Variants in SEMA3A observed in about 807,000 individuals in gnomAD.
SEMA3A encodes semaphorin-3A.
Under a neutral mutation model 97.9 loss-of-function variants are expected in SEMA3A, and 29 were observed. The ratio of observed to expected loss-of-function variants is 0.30; its 90% CI spans 0.22 to 0.40. SEMA3A has a LOEUF of 0.40. Ranked by LOEUF, SEMA3A falls within the 10% of genes least tolerant of loss-of-function variation. The pLI is 1.00. For missense variants in SEMA3A, 763 were observed against 951.3 expected (o/e 0.80, Z 2.60); for synonymous variants, 321 against 323.7 (o/e 0.99, Z 0.09).
chr7:83,957,150 C>G lies in SEMA3A; in HGVS notation c.*4221G>C, dbSNP rs55681101. ...TAAATCACACATTGGGGTAGTGTGA[C>G]AATAAAAGGTATATACAAGGCACAG... On this transcript the variant is annotated 3_prime_UTR_variant, in exon 17 of 17. Coordinates refer to ENST00000265362, the MANE Select transcript of SEMA3A (RefSeq NM_006080.3). The G allele has an allele frequency of 0.11, 16,129 of 151,966 alleles. 1,251 individuals are homozygous for G. The highest frequency in any genetic ancestry group is 0.21 in the African/African-American group (8,856 of 41,426). The allele number at this position is 151,966 out of a possible 1,614,324, so 9.4% of individuals were successfully genotyped here.
chr7:84,312,919 T>TAC (rs1169125442), intron 2 of SEMA3A, among the ~76,000 whole-genome samples: 58 of 31,046 alleles, frequency 1.9e-3, no homozygotes, highest in Non-Finnish European at 2.3e-3. Context: ...TATATATATA[T>TAC]ATACACACAC....
intron 2 of SEMA3A, among the ~76,000 whole-genome samples, chr7:84,332,814 C>T (rs1801940074): frequency 6.6e-6 from 1 of 151,856 alleles, no homozygotes; most frequent in Non-Finnish European, 1.5e-5. Flanking sequence ...CATTGAGTAC[C>T]TTTATTAAGT....
intron 5 of SEMA3A, among the ~76,000 whole-genome samples, chr7:84,055,734 T>G (rs114332405): frequency 1.8e-3 from 274 of 151,600 alleles, no homozygotes; most frequent in African/African-American, 6.4e-3. Flanking sequence ...CCTCCCCAAA[T>G]TATATGTTGA....
At chr7:84,227,675 G>A (rs1052753664) in intron 3 of SEMA3A, among the ~76,000 whole-genome samples, 2 of 152,080 alleles carry the variant, frequency 1.3e-5, no homozygotes, top group Non-Finnish European at 2.9e-5. Flanking sequence ...GGGGTGTGGT[G>A]AGATTGGAGG....
At chr7:84,437,829 T>C (rs944154205) in intron 1 of SEMA3A, among the ~76,000 whole-genome samples, 4 of 152,068 alleles carry the variant, frequency 2.6e-5, no homozygotes, top group African/African-American at 9.6e-5. Flanking sequence ...AGTATATAGA[T>C]GCTGTTTTTC....
intron 4 of SEMA3A, among the ~76,000 whole-genome samples, chr7:84,061,982 T>G (rs1048703109): frequency 6.6e-6 from 1 of 152,184 alleles, no homozygotes; most frequent in African/African-American, 2.4e-5. Context: ...TAGCTCTGGT[T>G]CTCTGGTCAC....
chr7:84,468,260 G>T (rs78447225), intron 1 of SEMA3A, among the ~76,000 whole-genome samples: 2,312 of 152,276 alleles, frequency 0.015, 60 homozygotes, highest in African/African-American at 0.052. Flanking sequence ...GCAAAATCAT[G>T]TGGCACAATG....
chr7:84,166,111 A>T (rs1797197484), intron 1 of SEMA3A, among the ~76,000 whole-genome samples: 1 of 151,906 alleles, frequency 6.6e-6, no homozygotes, highest in Non-Finnish European at 1.5e-5. Flanking sequence ...TCTCTCTTGA[A>T]AAAGTAAAAT....
chr7:84,016,935 T>C (rs1317227000), intron 6 of SEMA3A, among the ~76,000 whole-genome samples: 1 of 152,216 alleles, frequency 6.6e-6, no homozygotes, highest in Non-Finnish European at 1.5e-5. Flanking sequence ...AGGGAGAAGT[T>C]GGTCTACTAT....
intron 2 of SEMA3A, among the ~76,000 whole-genome samples, chr7:84,320,228 C>A (rs911208421): frequency 6.6e-6 from 1 of 152,084 alleles, no homozygotes. Flanking sequence ...ATATTATAAT[C>A]TCCTTCCTTC....
intron 3 of SEMA3A, among the ~76,000 whole-genome samples, chr7:84,239,949 T>G (rs1490169804): frequency 6.6e-6 from 1 of 152,156 alleles, no homozygotes; most frequent in East Asian, 1.9e-4. Context: ...ATTTCATTGG[T>G]CAGACTAATG....
At chr7:84,081,142 A>G (rs1429736593) in intron 4 of SEMA3A, among the ~76,000 whole-genome samples, 1 of 152,136 alleles carries the variant, frequency 6.6e-6, no homozygotes, top group Non-Finnish European at 1.5e-5. Context: ...TATGTTTATT[A>G]TCTATGTAGC....
Position 84,432,826 on chromosome 7 carries a change from T to C in SEMA3A, c.-246+59634A>G, listed in dbSNP as rs572726582. ...TAGGTTGATTCCATATCTTTGCTAT[T>C]ATGGATAATGCTGTGATGAACATAC... On this transcript the variant is annotated intron_variant, in intron 1 of 3. Transcript: ENST00000424555. Among the ~76,000 whole-genome samples, 3 of 152,134 alleles carry C rather than the reference T, an allele frequency of 2.0e-5. No homozygotes were observed. In the South Asian group the frequency reaches 6.2e-4, roughly 32 times the overall value.
Position 84,194,742 on chromosome 7 carries a change from A to G in SEMA3A, c.-156T>C, listed in dbSNP as rs1798165159. On this transcript the variant is annotated 5_prime_UTR_variant, in exon 1 of 17. Transcript: ENST00000265362. ...ATCAAGACCTCATGGCAACACTAAC[A>G]CCTCTTCTTCTGTAACAGTCACTGA... 3 of 467,534 alleles carry G rather than the reference A, an allele frequency of 6.4e-6. No homozygotes were observed. The highest frequency in any genetic ancestry group is 7.6e-6 in the Non-Finnish European group (2 of 264,518). 29.0% of individuals were successfully genotyped at this position (467,534 alleles called of 1,614,324 possible).
At chr7:84,486,057 T>G (rs1806566971) in intron 1 of SEMA3A, among the ~76,000 whole-genome samples, 1 of 152,196 alleles carries the variant, frequency 6.6e-6, no homozygotes, top group African/African-American at 2.4e-5. Context: ...CATATTTTAA[T>G]CTAAAGGGGA....
intron 5 of SEMA3A, among the ~76,000 whole-genome samples, chr7:84,059,464 T>C (rs1437369289): frequency 9.9e-5 from 15 of 152,150 alleles, no homozygotes. Context: ...AGAGTTTATT[T>C]TTCTGAGTAG....
chr7:84,474,359 G>C (rs1806226164), intron 1 of SEMA3A, among the ~76,000 whole-genome samples: 1 of 152,174 alleles, frequency 6.6e-6, no homozygotes, highest in African/African-American at 2.4e-5. Flanking sequence ...TTCCCAGATA[G>C]GAAAATTACT....
intron 3 of SEMA3A, among the ~76,000 whole-genome samples, chr7:84,305,005 T>C (rs1801116745): frequency 6.6e-6 from 1 of 151,938 alleles, no homozygotes; most frequent in African/African-American, 2.4e-5. Context: ...ATCAAACATA[T>C]ATGGAGCCAT....
At chr7:84,253,957 T>C (rs1249958472) in intron 3 of SEMA3A, among the ~76,000 whole-genome samples, 2 of 152,124 alleles carry the variant, frequency 1.3e-5, no homozygotes, top group Non-Finnish European at 2.9e-5. Context: ...AAGAGCTTGA[T>C]TAACTTAGAT....
Sources: gnomAD v4.1 joint callset for allele counts (sites outside exome capture counted in the v4.1 genomes callset) on GRCh38, gnomAD v4.1.1 for gene constraint, MANE v1.5 for transcripts, NCBI Gene and HGNC (gene_info 2026-07-23, HGNC 2026-07-21) for gene names.